The following TMEM87A variants were observed in gnomAD, a reference collection of about 807,000 sequenced individuals.
TMEM87A encodes transmembrane protein 87A.
TMEM87A carries 50 observed loss-of-function variants against 90.0 expected under a neutral mutation model. The observed-to-expected ratio is 0.56, with a 90% CI of 0.44 to 0.70. The LOEUF (loss-of-function observed/expected upper bound fraction) is 0.70, where lower values mean the gene tolerates loss of function less well. Among genes scored for constraint, TMEM87A ranks in the 30% least tolerant of loss-of-function variants. The pLI is 0.00. For synonymous variants in TMEM87A, 226 were observed against 226.7 expected (o/e 1.00, Z 0.03); for missense variants, 577 against 660.5 (o/e 0.87, Z 1.39).
chr15:42,228,961 T>C (rs1272770005), intron 12 of TMEM87A, 141 bp from the exon 13 acceptor site: 14 of 562,148 alleles, frequency 2.5e-5, no homozygotes, highest in Non-Finnish European at 4.1e-5. Context: ...TATTCTCACT[T>C]AATCTCACAA....
chr15:42,228,225 C>T (rs1485610564), intron 13 of TMEM87A, among the ~76,000 whole-genome samples: 1 of 152,166 alleles, frequency 6.6e-6, no homozygotes. Flanking sequence ...AATCAGACCT[C>T]ACTATTCCTG....
intron 15 of TMEM87A, among the ~76,000 whole-genome samples, chr15:42,226,311 ATTT>A (rs558657588): frequency 7.3e-6 from 1 of 137,124 alleles, no homozygotes. Context: ...CTGTGTCGGT[ATTT>A]TTTTTTTTTT....
At chr15:42,213,927 A>G (rs2050337741) in intron 19 of TMEM87A, among the ~76,000 whole-genome samples, 1 of 152,228 alleles carries the variant, frequency 6.6e-6, no homozygotes, top group African/African-American at 2.4e-5. Flanking sequence ...GAATTATTTG[A>G]AAGAGAATGC....
intron 19 of TMEM87A, among the ~76,000 whole-genome samples, chr15:42,215,611 G>A (rs1267805248): frequency 6.6e-6 from 1 of 152,102 alleles, no homozygotes; most frequent in Non-Finnish European, 1.5e-5. Context: ...TCAAAAGAGG[G>A]CTTCCAAATG....
Position 42,236,313 on chromosome 15 carries a change from T to C in TMEM87A, c.968+7A>G, listed in dbSNP as rs775228415. 4.3e-6 allele frequency: 7 copies of C among 1,612,782 alleles called. No homozygotes were observed. In the South Asian group the frequency reaches 5.5e-5, roughly 13 times the overall value. ...TTTGCTCTTCCATACAGGAAGTTAA[T>C]ACTTACTTGACGATGCCATATCCCA... On this transcript the variant is annotated splice_region_variant and intron_variant, in intron 10 of 19. Transcript: ENST00000389834.
At chr15:42,226,644 A>G (rs566025696) in intron 15 of TMEM87A, 162 bp downstream of exon 15, 2 of 628,710 alleles carry the variant, frequency 3.2e-6, no homozygotes, top group Non-Finnish European at 5.6e-6. Flanking sequence ...AAAAATCATG[A>G]AGTTAAGAGG....
intron 15 of TMEM87A, among the ~76,000 whole-genome samples, chr15:42,226,282 G>T (rs1009364420): frequency 6.6e-6 from 1 of 151,132 alleles, no homozygotes; most frequent in African/African-American, 2.4e-5. Flanking sequence ...TTACAGGCGT[G>T]AGCCACCACG....
intron 6 of TMEM87A, among the ~76,000 whole-genome samples, chr15:42,253,500 G>C (rs1361250468): frequency 6.6e-6 from 1 of 152,104 alleles, no homozygotes; most frequent in Non-Finnish European, 1.5e-5. Flanking sequence ...CTCTAAGTTG[G>C]GGAAAACAAA....
chr15:42,260,875 G>A, intron 6 of TMEM87A, 83 bp downstream of exon 6: 1 of 1,429,876 alleles, frequency 7.0e-7, no homozygotes, highest in East Asian at 2.3e-5. Flanking sequence ...TATTAGCATA[G>A]TATGGGAGAA....
At chr15:42,238,450 G>A (rs1399325857) in intron 8 of TMEM87A, among the ~76,000 whole-genome samples, 4 of 152,092 alleles carry the variant, frequency 2.6e-5, no homozygotes, top group Non-Finnish European at 5.9e-5. Flanking sequence ...CGCACCTGTA[G>A]TCCCAGCTAC....
At chr15:42,264,699 A>ATATATATTATTTTT (rs10681614) in intron 3 of TMEM87A, among the ~76,000 whole-genome samples, 1 of 109,424 alleles carries the variant, frequency 9.1e-6, no homozygotes, top group Non-Finnish European at 1.9e-5. Context: ...ATATATATAT[A>ATATATATTATTTTT]TTTTTTTTTT....
At chr15:42,271,780 T>A (rs2051530791) in intron 2 of TMEM87A, among the ~76,000 whole-genome samples, 1 of 151,332 alleles carries the variant, frequency 6.6e-6, no homozygotes, top group Non-Finnish European at 1.5e-5. Flanking sequence ...TTCAATGTAG[T>A]ATATACAGCA....
chr15:42,262,678 A>G (rs973032438), intron 4 of TMEM87A, among the ~76,000 whole-genome samples: 6 of 152,120 alleles, frequency 3.9e-5, no homozygotes, highest in Non-Finnish European at 1.5e-5. Context: ...CGGCCTCCCA[A>G]AGTGCTGGGA....
At chr15:42,235,096 T>G (rs2050747894) in intron 10 of TMEM87A, among the ~76,000 whole-genome samples, 1 of 152,200 alleles carries the variant, frequency 6.6e-6, no homozygotes. Flanking sequence ...TAGAGTGCAG[T>G]GGCATGATCT....
intron 7 of TMEM87A, among the ~76,000 whole-genome samples, chr15:42,241,021 C>A (rs548500202): frequency 6.6e-6 from 1 of 152,212 alleles, no homozygotes; most frequent in African/African-American, 2.4e-5. Flanking sequence ...TATTGGAACA[C>A]AGCCACATCC....
At chr15:42,219,881 T>G (rs2050443342) in intron 16 of TMEM87A, among the ~76,000 whole-genome samples, 181 bp downstream of exon 16, 1 of 152,222 alleles carries the variant, frequency 6.6e-6, no homozygotes, top group African/African-American at 2.4e-5. Context: ...AAATGGATAC[T>G]TAATGTGCAA....
chr15:42,235,200 G>A (rs1191699143), intron 10 of TMEM87A, among the ~76,000 whole-genome samples: 3 of 152,026 alleles, frequency 2.0e-5, no homozygotes, highest in Non-Finnish European at 2.9e-5. Context: ...CACCACAGCC[G>A]GCTAATTTTT....
In TMEM87A at chr15:42,233,300, G is replaced by C. The variant is rs752234151; in HGVS notation, c.975C>G (p.Arg325=). 8 of 1,613,592 alleles carry C rather than the reference G, an allele frequency of 5.0e-6. No individual in the cohort carries two copies. The East Asian group carries it at 1.6e-4, about 31-fold the overall frequency. ...VSLGYGIVKP[R]LGVTLHKVVV... is the part of the protein sequence containing the mutation. ...CAACCTTATGAAGAGTGACTCCAAG[G>C]CGTGGCCTAAAGAGGAAGCAAGGAG... The change falls in exon 11 of 20, where the codon CGC becomes CGG. Residue 325 remains arginine (R), a synonymous_variant. Coordinates refer to ENST00000389834, the MANE Select transcript of TMEM87A (RefSeq NM_015497.5).
intron 4 of TMEM87A, among the ~76,000 whole-genome samples, chr15:42,263,443 G>A (rs760222205): frequency 3.3e-5 from 5 of 152,094 alleles, no homozygotes; most frequent in Non-Finnish European, 5.9e-5. Flanking sequence ...AGTTTGGGAT[G>A]ATAAAAGTAC....
Sources: allele counts gnomAD v4.1 joint callset (sites outside exome capture counted in the v4.1 genomes callset), GRCh38; gene constraint gnomAD v4.1.1; transcripts MANE v1.5; gene names NCBI Gene and HGNC (gene_info 2026-07-23, HGNC 2026-07-21).